The following CRY1 variants were observed in gnomAD, a reference collection of about 807,000 sequenced individuals.
CRY1 encodes cryptochrome circadian regulator 1, also known as cryptochrome-1.
A neutral mutation model predicts 76.0 loss-of-function variants in CRY1; 45 were observed. The observed-to-expected ratio is 0.59, with a 90% confidence interval of 0.47 to 0.76. The LOEUF (loss-of-function observed/expected upper bound fraction) is 0.76, where lower values mean the gene tolerates loss of function less well. Among genes scored for constraint, CRY1 ranks in the 30% least tolerant of loss-of-function variants. The pLI is 0.00. For synonymous variants in CRY1, 248 were observed against 244.0 expected (o/e 1.02, Z -0.15); for missense variants, 587 against 716.4 (o/e 0.82, Z 2.06).
intron 4 of CRY1, 127 bp downstream of exon 4, chr12:107,001,637 C>T (rs1952312623): frequency 2.4e-6 from 2 of 822,904 alleles, no homozygotes; most frequent in Middle Eastern, 2.4e-4. Context: ...TCTTTTTCTT[C>T]TCCCCCTGCC....
At chr12:107,081,821 G>C (rs972386840) in intron 1 of CRY1, among the ~76,000 whole-genome samples, 5 of 151,980 alleles carry the variant, frequency 3.3e-5, no homozygotes, top group African/African-American at 1.2e-4. Context: ...CATATGCATT[G>C]TACTGTCATG....
intron 7 of CRY1, 76 bp downstream of exon 7, chr12:106,999,475 A>C: frequency 7.3e-7 from 1 of 1,371,586 alleles, no homozygotes; most frequent in South Asian, 1.4e-5. Flanking sequence ...CTATAAACAG[A>C]CAACTTCTAG....
At chr12:107,048,343 G>A (rs1318689040) in intron 1 of CRY1, among the ~76,000 whole-genome samples, 1 of 152,146 alleles carries the variant, frequency 6.6e-6, no homozygotes, top group African/African-American at 2.4e-5. Flanking sequence ...GCCTCCCAAA[G>A]TGCTGGGATT....
chr12:107,092,971 C>A lies in CRY1; in HGVS notation c.-10G>T. The A allele has an allele frequency of 1.3e-6, 2 of 1,526,450 alleles. No homozygotes were observed. The highest frequency in any genetic ancestry group is 2.2e-5 in the Admixed American group (1 of 46,120). 94.6% of individuals were successfully genotyped at this position (1,526,450 alleles called of 1,614,324 possible). A position where few individuals can be genotyped will look rare whatever the true frequency, so the allele number is the denominator to read the frequency against. ...CGGCGTTCACCCCCATGCCGGGGGG[C>A]GCGGCGGGTCCTCCACGGAGAAATT... On this transcript the variant is annotated 5_prime_UTR_variant, in exon 1 of 13. Coordinates refer to ENST00000008527, the MANE Select transcript of CRY1 (RefSeq NM_004075.5).
At chr12:107,021,729 A>T (rs1017592712) in intron 2 of CRY1, among the ~76,000 whole-genome samples, 1 of 149,894 alleles carries the variant, frequency 6.7e-6, no homozygotes, top group African/African-American at 2.5e-5. Context: ...CACACACAAA[A>T]ATATATATAT....
intron 1 of CRY1, among the ~76,000 whole-genome samples, chr12:107,092,570 C>T (rs922928277): frequency 6.6e-6 from 1 of 152,166 alleles, no homozygotes; most frequent in Admixed American, 6.5e-5. Context: ...CTCCAGTTAG[C>T]ACAGAAAGAC....
chr12:106,994,203 G>A (rs533656230), intron 10 of CRY1, among the ~76,000 whole-genome samples: 1 of 152,288 alleles, frequency 6.6e-6, no homozygotes, highest in East Asian at 1.9e-4. Flanking sequence ...TTCAAATGGG[G>A]CAGAAACCTG....
At chr12:107,043,043 G>C (rs1208928660) in intron 1 of CRY1, 1 of 152,142 alleles carries the variant, frequency 6.6e-6, no homozygotes, top group Non-Finnish European at 1.5e-5. Flanking sequence ...TGCCATCGTA[G>C]AATTGGAACT....
At chr12:107,087,018 G>T (rs1953410449) in intron 1 of CRY1, among the ~76,000 whole-genome samples, 1 of 151,396 alleles carries the variant, frequency 6.6e-6, no homozygotes, top group South Asian at 2.1e-4. Context: ...GAAAGAAAAA[G>T]AAAGAAAGGA....
At chr12:107,009,636 C>T (rs370842992) in intron 2 of CRY1, among the ~76,000 whole-genome samples, 12 of 143,862 alleles carry the variant, frequency 8.3e-5, no homozygotes, top group South Asian at 6.7e-4. Flanking sequence ...CGGTCCGGTA[C>T]GGTGGCTCAT....
intron 7 of CRY1, 42 bp downstream of exon 7, chr12:106,999,504 AAGGAT>A: frequency 6.6e-7 from 1 of 1,504,676 alleles, no homozygotes; most frequent in Non-Finnish European, 9.0e-7. Context: ...TTATTAAGGT[AAGGAT>A]TCCTTCAAAA....
At chr12:107,023,080 A>C (rs1952575638) in intron 1 of CRY1, among the ~76,000 whole-genome samples, 1 of 152,154 alleles carries the variant, frequency 6.6e-6, no homozygotes, top group Admixed American at 6.5e-5. Context: ...GACTCATGTT[A>C]AGTTTCATTT....
At chr12:107,051,329 T>C (rs2136875774) in intron 1 of CRY1, among the ~76,000 whole-genome samples, 1 of 152,314 alleles carries the variant, frequency 6.6e-6, no homozygotes, top group African/African-American at 2.4e-5. Context: ...TAAATATTCT[T>C]ATAGTCCTAC....
At chr12:107,004,530 A>G (rs1952347740) in intron 3 of CRY1, among the ~76,000 whole-genome samples, 1 of 152,212 alleles carries the variant, frequency 6.6e-6, no homozygotes, top group Middle Eastern at 3.2e-3. Context: ...GTTTGACCAC[A>G]GAATTTCTGT....
At chr12:107,080,575 G>A (rs1198967864) in intron 1 of CRY1, among the ~76,000 whole-genome samples, 1 of 151,928 alleles carries the variant, frequency 6.6e-6, no homozygotes, top group Non-Finnish European at 1.5e-5. Flanking sequence ...AGCGCTGGCA[G>A]GAAAGCACAG....
intron 2 of CRY1, among the ~76,000 whole-genome samples, chr12:107,019,877 C>T (rs985279155): frequency 6.6e-6 from 1 of 152,076 alleles, no homozygotes; most frequent in East Asian, 1.9e-4. Context: ...TACAATGGCA[C>T]CACTGCACTA....
At chr12:106,993,207 A>C (rs1952198993) in intron 10 of CRY1, among the ~76,000 whole-genome samples, 171 bp from the exon 11 acceptor site, 1 of 152,082 alleles carries the variant, frequency 6.6e-6, no homozygotes. Context: ...AACCAGGAAA[A>C]CTTAAATTTA....
Position 107,015,492 on chromosome 12 carries a change from C to T in CRY1, c.267+6592G>A, listed in dbSNP as rs146548717. Among the ~76,000 whole-genome samples the T allele has an allele frequency of 2.0e-3, 306 of 152,060 alleles. 3 individuals are homozygous for T. The highest frequency in any genetic ancestry group is 7.0e-3 in the African/African-American group (290 of 41,470). On this transcript the variant is annotated intron_variant, in intron 2 of 12. Coordinates refer to ENST00000008527, the MANE Select transcript of CRY1 (RefSeq NM_004075.5). ...CTGAGTAGCTAGGACCACAGGCATG[C>T]GCCACCATACCCAGCTAATTTTTAA... is the stretch of plus-strand genomic sequence containing the variant.
chr12:107,038,493 TGGA>T (rs966613182), intron 1 of CRY1, among the ~76,000 whole-genome samples: 1 of 151,760 alleles, frequency 6.6e-6, no homozygotes, highest in Non-Finnish European at 1.5e-5. Context: ...ATAAAAGAAA[TGGA>T]GGAAGGAAAA....
Sources: allele counts gnomAD v4.1 joint callset (sites outside exome capture counted in the v4.1 genomes callset), GRCh38; gene constraint gnomAD v4.1.1; transcripts MANE v1.5; gene names NCBI Gene and HGNC (gene_info 2026-07-23, HGNC 2026-07-21).